Variants in IPCEF1 observed in about 807,000 individuals in gnomAD.
IPCEF1 encodes interactor protein for cytohesin exchange factors 1.
In IPCEF1, 31 loss-of-function variants were observed where a neutral mutation model predicts 50.9. That is an observed-to-expected ratio of 0.61 (90% CI 0.46 to 0.82). The LOEUF is 0.82. IPCEF1 is among the 40% of genes least tolerant of loss of function. The pLI, the probability that IPCEF1 is intolerant of heterozygous loss-of-function variation, is 0.00. For synonymous variants in IPCEF1, 181 were observed against 192.0 expected (o/e 0.94, Z 0.47); for missense variants, 458 against 514.0 (o/e 0.89, Z 1.05).
intron 2 of IPCEF1, among the ~76,000 whole-genome samples, chr6:154,266,702 G>C (rs548986626): frequency 6.6e-6 from 1 of 151,740 alleles, no homozygotes; most frequent in Non-Finnish European, 1.5e-5. Flanking sequence ...TGAAAACATA[G>C]CTAACTCCCC....
intron 10 of IPCEF1, among the ~76,000 whole-genome samples, chr6:154,196,613 T>G (rs75379225): frequency 0.028 from 4,231 of 152,304 alleles, 197 homozygotes; most frequent in African/African-American, 0.096. Flanking sequence ...GTAGTGTGTG[T>G]TGTACATATG....
chr6:154,289,648 G>A (rs944255548), intron 2 of IPCEF1, 65 bp downstream of exon 2: 1 of 151,694 alleles, frequency 6.6e-6, no homozygotes, highest in East Asian at 1.9e-4. Flanking sequence ...TGAAACTCAA[G>A]CTTTTCAAGT....
At chr6:154,222,658 TTTTTGGTCCCTGTCA>T in intron 6 of IPCEF1, among the ~76,000 whole-genome samples, 1 of 152,162 alleles carries the variant, frequency 6.6e-6, no homozygotes, top group Non-Finnish European at 1.5e-5. Context: ...CTGGTAATTT[TTTTTGGTCCCTGTCA>T]GTGCTCAAAT....
chr6:154,172,186 T>C (rs1409314621), intron 10 of IPCEF1, among the ~76,000 whole-genome samples: 3 of 152,212 alleles, frequency 2.0e-5, no homozygotes, highest in Non-Finnish European at 4.4e-5. Flanking sequence ...GATAGCCAAA[T>C]AGGAACAGCT....
At chr6:154,349,835 T>C (rs1784092976) in intron 1 of IPCEF1, among the ~76,000 whole-genome samples, 1 of 152,164 alleles carries the variant, frequency 6.6e-6, no homozygotes, top group South Asian at 2.1e-4. Flanking sequence ...GAAAATTAAA[T>C]ATGGATCAAT....
At chr6:154,180,585 C>T (rs1800788219) in intron 10 of IPCEF1, among the ~76,000 whole-genome samples, 1 of 151,998 alleles carries the variant, frequency 6.6e-6, no homozygotes, top group African/African-American at 2.4e-5. Flanking sequence ...ACAGCACAGG[C>T]ATGCCCCAGT....
In IPCEF1 at chr6:154,278,592, G is replaced by A. The variant is rs144580001; in HGVS notation, c.-18+11121C>T. On this transcript the variant is annotated intron_variant, in intron 2 of 11. Transcript: ENST00000367220. ...TCCACTGTTTTCAATAAGTAAGAAGGTCCTTATTCCTACATCACATGCTTG... is the reference window on the plus strand; with the variant it reads ...TCCACTGTTTTCAATAAGTAAGAAGATCCTTATTCCTACATCACATGCTTG... 2.4e-3 allele frequency among the ~76,000 whole-genome samples: 361 copies of A among 152,144 alleles called. 3 individuals are homozygous for A. Among genetic ancestry groups the A allele is most frequent in the African/African-American group, 8.3e-3 (345 of 41,530 alleles).
chr6:154,336,358 T>G (rs1783787117), intron 1 of IPCEF1, among the ~76,000 whole-genome samples: 1 of 152,192 alleles, frequency 6.6e-6, no homozygotes, highest in Non-Finnish European at 1.5e-5. Context: ...TGAAATCATG[T>G]CATTTGCAGC....
intron 5 of IPCEF1, among the ~76,000 whole-genome samples, chr6:154,245,507 A>C (rs1780959378): frequency 6.6e-6 from 1 of 152,200 alleles, no homozygotes; most frequent in Non-Finnish European, 1.5e-5. Context: ...AGTGAATGTA[A>C]ATTTATCAAC....
intron 6 of IPCEF1, 65 bp downstream of exon 6, chr6:154,223,105 T>C (rs775729077): frequency 1.4e-5 from 17 of 1,248,356 alleles, no homozygotes; most frequent in Middle Eastern, 1.9e-4. Flanking sequence ...CCATATCCCT[T>C]GGTGAACATT....
intron 5 of IPCEF1, among the ~76,000 whole-genome samples, chr6:154,228,282 A>G: frequency 6.7e-6 from 1 of 148,846 alleles, no homozygotes; most frequent in Non-Finnish European, 1.5e-5. Context: ...CCCAGACAAC[A>G]TAGGCAGACC....
At chr6:154,183,432 A>C (rs1342519607) in intron 10 of IPCEF1, among the ~76,000 whole-genome samples, 1 of 152,218 alleles carries the variant, frequency 6.6e-6, no homozygotes, top group East Asian at 1.9e-4. Flanking sequence ...TTGCCAAATT[A>C]ATCTAAACAT....
rs2128591212 is a variant in IPCEF1 at position 154,199,676 on chromosome 6, A to G, written c.902T>C (p.Met301Thr). 1 of 1,605,424 alleles carries G rather than the reference A, an allele frequency of 6.2e-7. No individual in the cohort carries two copies. The highest frequency in any genetic ancestry group is 1.3e-5 in the African/African-American group (1 of 74,806). The part of the protein sequence containing the change: ...VPDKPAGSKI[M>T]DKEETKVSED... ...ATAATTTATTGGTTTACCTTTGTCC[A>G]TGATCTTTGATCCAGCAGGCTTATC... The change falls in exon 10 of 12, where the codon ATG (methionine) becomes ACG (threonine). Residue 301 changes from methionine to threonine, a missense_variant. Physicochemically the swap from Met to Thr is moderately conservative, Grantham distance 81 (BLOSUM62 -1). Coordinates refer to ENST00000367220, the MANE Select transcript of IPCEF1 (RefSeq NM_001130700.2).
At chr6:154,318,889 A>G (rs769870021) in intron 1 of IPCEF1, among the ~76,000 whole-genome samples, 4 of 152,112 alleles carry the variant, frequency 2.6e-5, no homozygotes, top group Non-Finnish European at 4.4e-5. Flanking sequence ...TAGCCAACCT[A>G]TGTGTGTCTG....
Position 154,263,226 on chromosome 6 carries a change from G to T in IPCEF1, c.36+2686C>A, listed in dbSNP as rs1024580580. ...GACTCCCTTTTAGCATCCTGTAAAT[G>T]AGTCTTTTTTTTTTAAATTTATTTA... On this transcript the variant is annotated intron_variant, in intron 3 of 11. Coordinates refer to ENST00000367220, the MANE Select transcript of IPCEF1 (RefSeq NM_001130700.2). Among the ~76,000 whole-genome samples the T allele has an allele frequency of 8.0e-4, 25 of 31,220 alleles. No homozygotes were observed. In the Admixed American group the frequency reaches 0.012, roughly 15 times the overall value. 20.5% of individuals were successfully genotyped at this position (31,220 alleles called of 152,430 possible). A position where few individuals can be genotyped will look rare whatever the true frequency, so the allele number is the denominator to read the frequency against.
At chr6:154,274,486 G>A (rs929599123) in intron 2 of IPCEF1, among the ~76,000 whole-genome samples, 1 of 152,076 alleles carries the variant, frequency 6.6e-6, no homozygotes, top group Non-Finnish European at 1.5e-5. Context: ...CCTCCCAGTG[G>A]ACCATTTTAC....
chr6:154,169,092 G>A (rs1343072361), intron 10 of IPCEF1, among the ~76,000 whole-genome samples: 1 of 148,910 alleles, frequency 6.7e-6, no homozygotes, highest in Non-Finnish European at 1.5e-5. Flanking sequence ...TGGGTGTGGT[G>A]GCTCACGCCT....
intron 1 of IPCEF1, among the ~76,000 whole-genome samples, chr6:154,294,078 A>C (rs1044974526): frequency 6.6e-6 from 1 of 152,196 alleles, no homozygotes; most frequent in Non-Finnish European, 1.5e-5. Flanking sequence ...AAACTGGTAA[A>C]ATTACCACTT....
Position 154,156,682 on chromosome 6 carries a change from G to A in IPCEF1, c.*3146C>T, listed in dbSNP as rs1013373603. ...GAGTCTTTGTAATCCTATACTTTAG[G>A]AGTCTTTCTAGGCCTTTGATCCTAT... On this transcript the variant is annotated 3_prime_UTR_variant, in exon 12 of 12. Coordinates refer to ENST00000367220, the MANE Select transcript of IPCEF1 (RefSeq NM_001130700.2). 6.6e-6 allele frequency: 1 copy of A among 152,218 alleles called. No individual in the cohort carries two copies. 9.4% of individuals were successfully genotyped at this position (152,218 alleles called of 1,614,324 possible).
Sources: allele counts gnomAD v4.1 joint callset (sites outside exome capture counted in the v4.1 genomes callset), GRCh38; gene constraint gnomAD v4.1.1; transcripts MANE v1.5; gene names NCBI Gene and HGNC (gene_info 2026-07-23, HGNC 2026-07-21).